The following SHCBP1 variants were observed in gnomAD, a reference collection of about 807,000 sequenced individuals.
The protein encoded by SHCBP1 is SHC binding and spindle associated 1.
SHCBP1 carries 60 observed loss-of-function variants against 75.1 expected under a neutral mutation model. That is an observed-to-expected ratio of 0.80 (90% confidence interval 0.65 to 0.99). The LOEUF (loss-of-function observed/expected upper bound fraction) is 0.99, where lower values mean the gene tolerates loss of function less well. SHCBP1 is among the 50% of genes least tolerant of loss of function. The probability of loss-of-function intolerance (pLI) is 0.00; values close to 1 mark genes in which losing one functional copy is unlikely to be tolerated. For synonymous variants in SHCBP1, 290 were observed against 293.2 expected, an observed-to-expected ratio of 0.99 and a Z score of 0.11; for missense variants, 709 against 809.4, an observed-to-expected ratio of 0.88 and a Z score of 1.50.
chr16:46,617,607 A>G (rs767553796), intron 3 of SHCBP1, 27 bp downstream of exon 3: 2 of 1,576,586 alleles, frequency 1.3e-6, no homozygotes, highest in East Asian at 2.2e-5. Flanking sequence ...GCTAGAGACA[A>G]AGGTCTAATA....
chr16:46,595,708 A>T (rs778570927), intron 9 of SHCBP1, 38 bp from the exon 10 acceptor site: 315 of 1,509,526 alleles, frequency 2.1e-4, no homozygotes, highest in Non-Finnish European at 2.7e-4. Context: ...TTAAGAAGTA[A>T]TGTGCCTTTT....
chr16:46,583,858 G>A, intron 11 of SHCBP1, 145 bp downstream of exon 11: 1 of 899,634 alleles, frequency 1.1e-6, no homozygotes, highest in Non-Finnish European at 1.7e-6. Context: ...TCTCACAAGA[G>A]ATTCCAATCA....
At chr16:46,621,159 G>C in intron 1 of SHCBP1, 98 bp downstream of exon 1, 1 of 1,093,882 alleles carries the variant, frequency 9.1e-7, no homozygotes, top group East Asian at 2.7e-5. Flanking sequence ...CTGGACAGAC[G>C]GGTCCGGAAG....
chr16:46,607,216 G>A (rs1047140203), intron 5 of SHCBP1, among the ~76,000 whole-genome samples: 4 of 152,164 alleles, frequency 2.6e-5, no homozygotes. Flanking sequence ...TTAGCTCGGT[G>A]TGGTGGCATG....
intron 4 of SHCBP1, 67 bp from the exon 5 acceptor site, chr16:46,608,456 G>A: frequency 1.0e-6 from 1 of 977,700 alleles, no homozygotes; most frequent in Non-Finnish European, 1.6e-6. Context: ...TTGGAGGGGT[G>A]AGAGCTAAAG....
chr16:46,595,553 T>C lies in SHCBP1; in HGVS notation c.1463A>G (p.Lys488Arg). 2 of 1,612,782 alleles carry C rather than the reference T, an allele frequency of 1.2e-6. No homozygotes were observed. The highest frequency in any genetic ancestry group is 2.2e-5 in the South Asian group (2 of 91,052). ...LMKNSDLYGAKGAGIEIYPGS... is the reference protein window; with the variant it reads ...LMKNSDLYGARGAGIEIYPGS... ...CCCCAAGAGGACAAGAGCTTCTACC[T>C]TGGCGCCATATAAATCCGAGTTCTT... Residue 488 changes from lysine (K) to arginine (R), a missense_variant and splice_region_variant, in exon 10 of 13, where the codon AAG becomes AGG. By Grantham distance (26) the Lys-to-Arg change is conservative. Coordinates refer to ENST00000303383, the MANE Select transcript of SHCBP1 (RefSeq NM_024745.5).
intron 4 of SHCBP1, among the ~76,000 whole-genome samples, chr16:46,608,603 CTTT>C (rs34823071): frequency 7.9e-6 from 1 of 127,004 alleles, no homozygotes; most frequent in Non-Finnish European, 1.6e-5. Flanking sequence ...TTTGTTAGGA[CTTT>C]TTTTTTTTTT....
intron 4 of SHCBP1, among the ~76,000 whole-genome samples, chr16:46,613,998 T>C (rs2143001844): frequency 6.6e-6 from 1 of 152,344 alleles, no homozygotes; most frequent in East Asian, 1.9e-4. Context: ...CGAACTTCTA[T>C]GCCCATAGAG....
At chr16:46,605,430 A>G (rs1427123993) in intron 5 of SHCBP1, among the ~76,000 whole-genome samples, 1 of 152,190 alleles carries the variant, frequency 6.6e-6, no homozygotes, top group Admixed American at 6.5e-5. Context: ...CACTACAAAA[A>G]TACAAAAATG....
chr16:46,588,435 A>G (rs996407706), intron 10 of SHCBP1, among the ~76,000 whole-genome samples: 5 of 152,226 alleles, frequency 3.3e-5, no homozygotes, highest in Non-Finnish European at 7.3e-5. Flanking sequence ...AGACTAATAA[A>G]GAAGAAAAAA....
At position 46,581,452 on chromosome 16, in the gene SHCBP1, C is replaced by A; in HGVS notation, c.*277G>T. The A allele has an allele frequency of 2.8e-6, 1 of 362,120 alleles. No individual in the cohort carries two copies. Among genetic ancestry groups the A allele is most frequent in the Non-Finnish European group, 5.0e-6 (1 of 199,618 alleles). 22.4% of individuals were successfully genotyped at this position (362,120 alleles called of 1,614,324 possible). A position where few individuals can be genotyped will look rare whatever the true frequency, so the allele number is the denominator to read the frequency against. ...AGGTAATTACACTAAAAAGTTACTA[C>A]CAGGCTTAATATGAGAGAACCATGT... On this transcript the variant is annotated 3_prime_UTR_variant, in exon 13 of 13. Transcript: ENST00000303383.
intron 12 of SHCBP1, 31 bp downstream of exon 12, chr16:46,583,484 CT>C (rs777580486): frequency 2.6e-6 from 4 of 1,567,868 alleles, no homozygotes; most frequent in Middle Eastern, 1.8e-4. Context: ...TAAATTATGT[CT>C]GGTTTTTATA....
intron 5 of SHCBP1, 90 bp from the exon 6 acceptor site, chr16:46,604,551 T>A: frequency 1.2e-6 from 1 of 828,526 alleles, no homozygotes. Context: ...AAAGACCCAG[T>A]AAGAGTTTTA....
chr16:46,602,442 A>G (rs1965255288), intron 8 of SHCBP1, among the ~76,000 whole-genome samples: 1 of 152,226 alleles, frequency 6.6e-6, no homozygotes, highest in African/African-American at 2.4e-5. Flanking sequence ...GAACAGCTGC[A>G]CAAGTCCCAA....
At chr16:46,596,730 C>CT (rs574771448) in intron 9 of SHCBP1, among the ~76,000 whole-genome samples, 3,589 of 139,752 alleles carry the variant, frequency 0.026, 115 homozygotes, top group African/African-American at 0.08. Context: ...AATGAGTAAA[C>CT]TTTTTTTTTT....
chr16:46,618,181 A>G (rs1965531973), intron 2 of SHCBP1, 24 bp downstream of exon 2: 1 of 1,573,436 alleles, frequency 6.4e-7, no homozygotes, highest in Non-Finnish European at 8.6e-7. Context: ...CATCTCAAAA[A>G]AAAAAAGCAA....
Position 46,610,544 on chromosome 16 carries a change from ATTTTT to A in SHCBP1, c.597-2160_597-2156del, listed in dbSNP as rs60140518. Among the ~76,000 whole-genome samples the A allele has an allele frequency of 7.4e-3, 230 of 31,090 alleles. 5 individuals are homozygous for A. The highest frequency in any genetic ancestry group is 0.072 in the East Asian group (88 of 1,214). The allele number at this position is 31,090 out of a possible 152,430, so 20.4% of individuals were successfully genotyped here. ...TGGTGATTACATCCCCATGGGGTCA[ATTTTT>A]TTTTTTTTTTTTTTTTTTTTTTTTG... On this transcript the variant is annotated intron_variant, in intron 4 of 12. Transcript: ENST00000303383.
chr16:46,582,414 A>G (rs1476427828), intron 12 of SHCBP1, among the ~76,000 whole-genome samples: 3 of 152,248 alleles, frequency 2.0e-5, no homozygotes, highest in Non-Finnish European at 4.4e-5. Context: ...ATTAAATGGC[A>G]GAAGAATTTT....
intron 10 of SHCBP1, among the ~76,000 whole-genome samples, chr16:46,592,974 A>AAAAAAAAG: frequency 6.8e-6 from 1 of 148,006 alleles, no homozygotes; most frequent in Non-Finnish European, 1.5e-5. Flanking sequence ...AAAAAAAAAA[A>AAAAAAAAG]AAGCAGAAAT....
Sources: allele counts gnomAD v4.1 joint callset (sites outside exome capture counted in the v4.1 genomes callset), GRCh38; gene constraint gnomAD v4.1.1; transcripts MANE v1.5; gene names NCBI Gene and HGNC (gene_info 2026-07-23, HGNC 2026-07-21).